The following TWIST2 variants were observed in gnomAD, a reference collection of about 807,000 sequenced individuals.
TWIST2 encodes the protein twist-related protein 2.
Under a neutral mutation model 11.6 loss-of-function variants are expected in TWIST2, and 1 was observed. The observed-to-expected ratio is 0.09, with a 90% CI of 0.03 to 0.41. The LOEUF is 0.41. TWIST2 is among the 10% of genes least tolerant of loss of function. TWIST2 has a pLI of 0.98. For missense variants in TWIST2, 168 were observed against 226.4 expected (o/e 0.74, Z 1.66); for synonymous variants, 87 against 96.6 (o/e 0.90, Z 0.58).
intron 1 of TWIST2, among the ~76,000 whole-genome samples, chr2:238,871,845 C>T (rs1375971443): frequency 1.3e-5 from 2 of 152,072 alleles, no homozygotes; most frequent in Non-Finnish European, 2.9e-5. Context: ...CTCGTGCAGC[C>T]GGATTCATAG....
At chr2:238,903,008 AGGTGTGTGTGATGTG>A (rs1216178252) in intron 1 of TWIST2, among the ~76,000 whole-genome samples, 1 of 6,276 alleles carries the variant, frequency 1.6e-4, no homozygotes, top group East Asian at 6.8e-3. Context: ...GCGTGATGTG[AGGTGTGTGTGATGTG>A]GGTGTGTGTG....
intron 1 of TWIST2, among the ~76,000 whole-genome samples, chr2:238,889,823 C>T (rs1693100893): frequency 2.0e-5 from 3 of 152,348 alleles, no homozygotes; most frequent in Admixed American, 6.5e-5. Context: ...GCTACGTGTT[C>T]TCCCACTTGC....
intron 1 of TWIST2, among the ~76,000 whole-genome samples, chr2:238,870,587 A>C (rs1454488255): frequency 6.7e-4 from 12 of 17,886 alleles, no homozygotes; most frequent in South Asian, 1.8e-3. Flanking sequence ...ACACACACAC[A>C]CCACACACCC....
intron 1 of TWIST2, among the ~76,000 whole-genome samples, chr2:238,899,978 G>T (rs1174688936): frequency 2.6e-5 from 4 of 152,102 alleles, no homozygotes; most frequent in African/African-American, 7.2e-5. Context: ...AAGAAAGAAA[G>T]AAATATAAAT....
intron 1 of TWIST2, among the ~76,000 whole-genome samples, chr2:238,905,979 G>T (rs1221618800): frequency 7.2e-6 from 1 of 139,260 alleles, no homozygotes; most frequent in South Asian, 2.2e-4. Context: ...GTGTGCGCGC[G>T]CGTGTACGTG....
intron 1 of TWIST2, among the ~76,000 whole-genome samples, chr2:238,860,974 T>C (rs1470212385): frequency 6.6e-6 from 1 of 152,188 alleles, no homozygotes; most frequent in Non-Finnish European, 1.5e-5. Flanking sequence ...TTCTGTGTGA[T>C]GCTGCTGTTC....
chr2:238,862,644 G>T (rs1574749641), intron 1 of TWIST2, among the ~76,000 whole-genome samples: 1 of 152,190 alleles, frequency 6.6e-6, no homozygotes, highest in Non-Finnish European at 1.5e-5. Flanking sequence ...TTGATGGTAG[G>T]TAAGAAAAGA....
At chr2:238,862,246 T>C (rs1692448475) in intron 1 of TWIST2, among the ~76,000 whole-genome samples, 1 of 152,216 alleles carries the variant, frequency 6.6e-6, no homozygotes, top group Non-Finnish European at 1.5e-5. Flanking sequence ...AATAACTCAC[T>C]AAATTAAAAT....
intron 1 of TWIST2, among the ~76,000 whole-genome samples, chr2:238,908,261 C>A (rs1328051406): frequency 6.9e-6 from 1 of 144,414 alleles, no homozygotes; most frequent in Non-Finnish European, 1.5e-5. Flanking sequence ...ACCACATACA[C>A]CATGCACCAT....
intron 1 of TWIST2, among the ~76,000 whole-genome samples, chr2:238,878,592 T>C (rs1272556665): frequency 6.6e-6 from 1 of 152,190 alleles, no homozygotes; most frequent in African/African-American, 2.4e-5. Flanking sequence ...TGGCATGGTG[T>C]AGGTAGCAGC....
intron 1 of TWIST2, among the ~76,000 whole-genome samples, chr2:238,889,395 G>A (rs1447387973): frequency 2.0e-5 from 3 of 152,084 alleles, no homozygotes; most frequent in Admixed American, 1.3e-4. Flanking sequence ...ACACATAGAC[G>A]TGTGTACCAT....
chr2:238,865,764 G>T (rs1692518875), intron 1 of TWIST2, among the ~76,000 whole-genome samples: 1 of 152,006 alleles, frequency 6.6e-6, no homozygotes, highest in African/African-American at 2.4e-5. Flanking sequence ...CTGCTCAGAG[G>T]TCCCTTTTTA....
chr2:238,859,777 G>A (rs763699118), intron 1 of TWIST2, among the ~76,000 whole-genome samples: 50 of 152,122 alleles, frequency 3.3e-4, no homozygotes, highest in Non-Finnish European at 5.7e-4. Context: ...TTCCTAATGT[G>A]TTTATTCACA....
intron 1 of TWIST2, among the ~76,000 whole-genome samples, chr2:238,897,572 C>T (rs1693220794): frequency 6.6e-6 from 1 of 152,188 alleles, no homozygotes; most frequent in East Asian, 1.9e-4. Flanking sequence ...GCCTTGTGCT[C>T]AGCTGCTCAG....
chr2:238,875,607 G>A (rs1441208843), intron 1 of TWIST2, among the ~76,000 whole-genome samples: 1 of 152,156 alleles, frequency 6.6e-6, no homozygotes, highest in East Asian at 1.9e-4. Context: ...GGCTTCCAGT[G>A]GGCTGGACGT....
At position 238,863,519 on chromosome 2, in the gene TWIST2, TC is replaced by T. The variant is rs1692471545; in HGVS notation, c.*35+14789del. Among the ~76,000 whole-genome samples, 1 of 152,176 alleles carries T rather than the reference TC, an allele frequency of 6.6e-6. No individual in the cohort carries two copies. Among genetic ancestry groups the T allele is most frequent in the Non-Finnish European group, 1.5e-5 (1 of 68,012 alleles). ...GGCTGGCCTTTACCCGCTGGGCAGT[TC>T]CCAAATGGCGCTTCATGATGGGACT... On this transcript the variant is annotated intron_variant, in intron 1 of 1. Coordinates refer to ENST00000612363, the MANE Select transcript of TWIST2 (RefSeq NM_001271893.4). The surrounding 1 kb of genome is among the most constrained non-coding windows in gnomAD (Gnocchi z 4.7).
intron 1 of TWIST2, among the ~76,000 whole-genome samples, chr2:238,872,966 C>T (rs1692735260): frequency 6.6e-6 from 1 of 152,212 alleles, no homozygotes; most frequent in Non-Finnish European, 1.5e-5. Flanking sequence ...TAGAATCTGT[C>T]TCTCCTGTGG....
intron 1 of TWIST2, among the ~76,000 whole-genome samples, chr2:238,869,945 C>G (rs1303951369): frequency 2.6e-5 from 4 of 151,686 alleles, no homozygotes; most frequent in Non-Finnish European, 5.9e-5. Context: ...GACTGTGTCT[C>G]AAAACAAACA....
At chr2:238,873,781 C>T (rs527784457) in intron 1 of TWIST2, among the ~76,000 whole-genome samples, 1 of 152,116 alleles carries the variant, frequency 6.6e-6, no homozygotes, top group African/African-American at 2.4e-5. Flanking sequence ...AGGGTACGTT[C>T]CGGAACATCT....
Sources: allele counts gnomAD v4.1 joint callset (sites outside exome capture counted in the v4.1 genomes callset), GRCh38; gene constraint gnomAD v4.1.1; non-coding constraint Gnocchi (gnomAD v3.1); transcripts MANE v1.5; gene names NCBI Gene and HGNC (gene_info 2026-07-23, HGNC 2026-07-21).